NRG3: variants seen among roughly 807,000 people sequenced by gnomAD.
NRG3 encodes the protein pro-neuregulin-3, membrane-bound isoform.
A neutral mutation model predicts 66.9 loss-of-function variants in NRG3; 31 were observed. The ratio of observed to expected loss-of-function variants is 0.46; its 90% CI spans 0.35 to 0.63. The LOEUF (loss-of-function observed/expected upper bound fraction) is 0.63, where lower values mean the gene tolerates loss of function less well. Among genes scored for constraint, NRG3 ranks in the 20% least tolerant of loss-of-function variants. NRG3 has a pLI of 0.00. For missense variants in NRG3, 910 were observed against 878.9 expected (o/e 1.04, Z -0.45); for synonymous variants, 393 against 359.4 (o/e 1.09, Z -1.06).
At chr10:82,418,197 C>T (rs943307485) in intron 2 of NRG3, among the ~76,000 whole-genome samples, 3 of 152,140 alleles carry the variant, frequency 2.0e-5, no homozygotes, top group African/African-American at 7.2e-5. Context: ...GGCAGTTCAC[C>T]TTCTCTCCAG....
intron 1 of NRG3, among the ~76,000 whole-genome samples, chr10:82,009,391 G>A (rs762109200): frequency 9.9e-5 from 15 of 152,056 alleles, no homozygotes; most frequent in Non-Finnish European, 1.9e-4. Context: ...TAGTTGCAGT[G>A]TTCTTGGGGT....
intron 1 of NRG3, among the ~76,000 whole-genome samples, chr10:81,992,402 C>T (rs1309142554): frequency 6.6e-6 from 1 of 152,090 alleles, no homozygotes; most frequent in Non-Finnish European, 1.5e-5. Context: ...ATTTCTCACT[C>T]TGCACTCCTG....
At chr10:81,967,609 G>A (rs1225802257) in intron 1 of NRG3, among the ~76,000 whole-genome samples, 1 of 150,892 alleles carries the variant, frequency 6.6e-6, no homozygotes, top group Non-Finnish European at 1.5e-5. Context: ...TTCTTAGAAA[G>A]TTAGATTATC....
intron 1 of NRG3, among the ~76,000 whole-genome samples, chr10:82,243,000 CT>C (rs553544128): frequency 7.9e-5 from 12 of 152,310 alleles, no homozygotes; most frequent in African/African-American, 2.9e-4. Flanking sequence ...CTACTTGATC[CT>C]TAAGAAAAGC....
intron 2 of NRG3, among the ~76,000 whole-genome samples, chr10:82,675,114 A>C (rs1031401035): frequency 1.4e-4 from 22 of 151,894 alleles, no homozygotes; most frequent in Admixed American, 1.4e-3. Context: ...ACCCGCCATC[A>C]TGCTGGCTAA....
intron 1 of NRG3, among the ~76,000 whole-genome samples, chr10:82,046,886 T>G (rs2063325560): frequency 7.1e-6 from 1 of 141,654 alleles, no homozygotes. Context: ...GATTTGTGTA[T>G]ATTGAACCAG....
chr10:82,201,196 C>CAAAA (rs35232518), intron 1 of NRG3, among the ~76,000 whole-genome samples: 5 of 78,040 alleles, frequency 6.4e-5, no homozygotes, highest in African/African-American at 1.4e-4. Context: ...GACTCTGTCT[C>CAAAA]AAAAAAAAAA....
At chr10:82,023,722 AT>A (rs34868520) in intron 1 of NRG3, among the ~76,000 whole-genome samples, 66,756 of 151,694 alleles carry the variant, frequency 0.44, 15,164 homozygotes, top group African/African-American at 0.58. Context: ...TGGCAAGTCA[AT>A]TTTTTTAACG....
chr10:82,475,879 T>A (rs866326161), intron 2 of NRG3, among the ~76,000 whole-genome samples: 1 of 152,156 alleles, frequency 6.6e-6, no homozygotes, highest in African/African-American at 2.4e-5. Flanking sequence ...CATTAAAGAA[T>A]GTTATCAATA....
intron 1 of NRG3, among the ~76,000 whole-genome samples, chr10:82,077,904 G>A (rs2065177608): frequency 6.6e-6 from 1 of 152,154 alleles, no homozygotes; most frequent in Non-Finnish European, 1.5e-5. Flanking sequence ...GGCATAGCAG[G>A]TATACAGCTA....
chr10:82,665,409 C>G (rs1450926095), intron 2 of NRG3, among the ~76,000 whole-genome samples: 4 of 152,162 alleles, frequency 2.6e-5, no homozygotes, highest in Non-Finnish European at 5.9e-5. Flanking sequence ...CTACCCATGA[C>G]CTTGACGGTC....
chr10:82,734,902 C>G (rs1473079788), intron 2 of NRG3, among the ~76,000 whole-genome samples: 3 of 151,462 alleles, frequency 2.0e-5, no homozygotes, highest in Non-Finnish European at 4.4e-5. Flanking sequence ...ATTGTAGTTT[C>G]AGCTACTCAG....
chr10:82,637,359 G>A (rs2050271429), intron 2 of NRG3, among the ~76,000 whole-genome samples: 1 of 152,106 alleles, frequency 6.6e-6, no homozygotes, highest in Non-Finnish European at 1.5e-5. Flanking sequence ...ATAAACCAAT[G>A]AATAAGATAA....
At chr10:82,724,305 G>T (rs2057472854) in intron 2 of NRG3, among the ~76,000 whole-genome samples, 1 of 151,560 alleles carries the variant, frequency 6.6e-6, no homozygotes, top group South Asian at 2.1e-4. Flanking sequence ...TTTCCATTCG[G>T]TCCAAAGCTT....
chr10:82,439,539 A>T (rs2136422430), intron 2 of NRG3, among the ~76,000 whole-genome samples: 1 of 152,084 alleles, frequency 6.6e-6, no homozygotes, highest in East Asian at 1.9e-4. Context: ...AGGGTTTTTC[A>T]AAGTGTATCA....
At chr10:82,032,126 T>G (rs10786834) in intron 1 of NRG3, among the ~76,000 whole-genome samples, 105,377 of 149,088 alleles carry the variant, frequency 0.71, 37,922 homozygotes, top group East Asian at 0.92. Flanking sequence ...TTTTTTTTTT[T>G]TATTTCCAAT....
intron 2 of NRG3, among the ~76,000 whole-genome samples, chr10:82,725,788 A>G (rs950110547): frequency 6.6e-6 from 1 of 152,142 alleles, no homozygotes; most frequent in Admixed American, 6.5e-5. Context: ...GGTGTACTGT[A>G]TTTTACCTGG....
At chr10:82,512,795 A>T (rs1845312601) in intron 2 of NRG3, among the ~76,000 whole-genome samples, 1 of 151,700 alleles carries the variant, frequency 6.6e-6, no homozygotes, top group Non-Finnish European at 1.5e-5. Context: ...TGTTTTTTTG[A>T]CTCCTATATA....
At chr10:82,757,133 A>T (rs1229588315) in intron 3 of NRG3, among the ~76,000 whole-genome samples, 2 of 152,090 alleles carry the variant, frequency 1.3e-5, no homozygotes, top group Admixed American at 6.6e-5. Context: ...GGAGTATGAA[A>T]AGTGTGTCTT....
Sources: allele counts gnomAD v4.1 joint callset (sites outside exome capture counted in the v4.1 genomes callset), GRCh38; gene constraint gnomAD v4.1.1; transcripts MANE v1.5; gene names NCBI Gene and HGNC (gene_info 2026-07-23, HGNC 2026-07-21).